ADAM10: variants seen among roughly 807,000 people sequenced by gnomAD.
ADAM10 encodes the protein ADAM metallopeptidase domain 10, also known as disintegrin and metalloproteinase domain-containing protein 10.
A neutral mutation model predicts 90.1 loss-of-function variants in ADAM10; 17 were observed. The ratio of observed to expected loss-of-function variants is 0.19; its 90% confidence interval spans 0.13 to 0.28. The LOEUF (loss-of-function observed/expected upper bound fraction) is 0.28. Ranked by LOEUF, ADAM10 falls within the 10% of genes least tolerant of loss-of-function variation. The pLI is 1.00. For missense variants in ADAM10, 610 were observed against 914.3 expected, an observed-to-expected ratio of 0.67 and a Z score of 4.29; for synonymous variants, 310 against 298.6, an observed-to-expected ratio of 1.04 and a Z score of -0.40.
chr15:58,624,776 C>T (rs1472540925), intron 10 of ADAM10, among the ~76,000 whole-genome samples: 2 of 152,156 alleles, frequency 1.3e-5, no homozygotes, highest in African/African-American at 4.8e-5. Flanking sequence ...CAAGCAATCT[C>T]CCTGTCTTGG....
intron 15 of ADAM10, 51 bp from the exon 16 acceptor site, chr15:58,597,692 A>G: frequency 6.2e-7 from 1 of 1,601,658 alleles, no homozygotes; most frequent in Non-Finnish European, 8.5e-7. Context: ...TGAGCTTTTT[A>G]ATCTTTAAAA....
chr15:58,629,674 C>T (rs1307408935), intron 9 of ADAM10, among the ~76,000 whole-genome samples: 6 of 152,078 alleles, frequency 3.9e-5, no homozygotes, highest in Admixed American at 1.3e-4. Context: ...CATAATCTAC[C>T]ATGCACTATA....
intron 2 of ADAM10, among the ~76,000 whole-genome samples, chr15:58,688,131 T>C (rs1189251849): frequency 6.6e-6 from 1 of 152,212 alleles, no homozygotes; most frequent in Non-Finnish European, 1.5e-5. Context: ...AATATAGTTA[T>C]ATAAATTGTG....
intron 2 of ADAM10, among the ~76,000 whole-genome samples, chr15:58,699,022 AAGAG>A (rs1898057327): frequency 6.6e-6 from 1 of 152,230 alleles, no homozygotes; most frequent in African/African-American, 2.4e-5. Context: ...GTCAAAGACA[AAGAG>A]AGAATTCTAA....
chr15:58,627,661 G>C (rs1456742826), intron 10 of ADAM10, 39 bp downstream of exon 10: 18 of 1,574,950 alleles, frequency 1.1e-5, no homozygotes, highest in Non-Finnish European at 1.5e-5. Flanking sequence ...CTGAATGTTT[G>C]AAAATGTTCA....
At chr15:58,650,017 TA>T (rs1343209185) in intron 5 of ADAM10, among the ~76,000 whole-genome samples, 2 of 152,180 alleles carry the variant, frequency 1.3e-5, no homozygotes, top group Non-Finnish European at 2.9e-5. Flanking sequence ...TATCCAAATC[TA>T]AATCCATCAA....
At chr15:58,699,990 G>A (rs1365864810) in intron 2 of ADAM10, among the ~76,000 whole-genome samples, 1 of 152,066 alleles carries the variant, frequency 6.6e-6, no homozygotes, top group African/African-American at 2.4e-5. Flanking sequence ...CACACAGACT[G>A]AAAGTAAAGA....
intron 1 of ADAM10, among the ~76,000 whole-genome samples, chr15:58,746,708 T>C (rs144923117): frequency 2.6e-5 from 4 of 152,304 alleles, no homozygotes; most frequent in African/African-American, 9.6e-5. Flanking sequence ...ACGAGGAGTT[T>C]GAGACCAGCC....
rs1455274896 is a variant in ADAM10, at chr15:58,591,006, G to A, written c.*6541C>T. The A allele has an allele frequency of 6.6e-6, 1 of 152,206 alleles. No individual in the cohort carries two copies. Among genetic ancestry groups the A allele is most frequent in the African/African-American group, 2.4e-5 (1 of 41,456 alleles). 9.4% of individuals were successfully genotyped at this position (152,206 alleles called of 1,614,324 possible). On this transcript the variant is annotated 3_prime_UTR_variant, in exon 16 of 16. Coordinates refer to ENST00000260408, the MANE Select transcript of ADAM10 (RefSeq NM_001110.4). ...AAACAAGAGAGGGCAGAAGAATCTA[G>A]TTTATTGTAGTGAGCTACTTAACAT...
intron 1 of ADAM10, among the ~76,000 whole-genome samples, chr15:58,742,215 TCA>T (rs1359633446): frequency 1.7e-4 from 26 of 152,200 alleles, no homozygotes; most frequent in Admixed American, 1.7e-3. Context: ...TGTATACATC[TCA>T]CATTGTTTAC....
At chr15:58,704,311 G>A (rs1898219074) in intron 2 of ADAM10, among the ~76,000 whole-genome samples, 1 of 152,188 alleles carries the variant, frequency 6.6e-6, no homozygotes, top group South Asian at 2.1e-4. Flanking sequence ...ACTGGAGGGA[G>A]AGAAAAATGG....
chr15:58,674,338 G>A (rs1484689595), intron 4 of ADAM10, among the ~76,000 whole-genome samples: 2 of 152,122 alleles, frequency 1.3e-5, no homozygotes, highest in Non-Finnish European at 2.9e-5. Flanking sequence ...ACATATAGTA[G>A]AGAGATTAAC....
At chr15:58,647,780 T>C (rs1466074579) in intron 5 of ADAM10, among the ~76,000 whole-genome samples, 1 of 152,172 alleles carries the variant, frequency 6.6e-6, no homozygotes, top group African/African-American at 2.4e-5. Context: ...CATGAGCTCC[T>C]GGTCTCAAGT....
At chr15:58,716,654 C>T (rs533958033) in intron 2 of ADAM10, among the ~76,000 whole-genome samples, 1 of 152,238 alleles carries the variant, frequency 6.6e-6, no homozygotes, top group South Asian at 2.1e-4. Context: ...TAATTGAAGA[C>T]TTTAGATCAA....
intron 2 of ADAM10, chr15:58,686,345 T>C (rs1897600980): frequency 1.5e-6 from 1 of 663,672 alleles, no homozygotes; most frequent in South Asian, 1.8e-5. Context: ...GAATAAAGGC[T>C]ACTTCAAACC....
intron 2 of ADAM10, among the ~76,000 whole-genome samples, chr15:58,697,957 A>C (rs1295889490): frequency 6.6e-6 from 1 of 152,220 alleles, no homozygotes; most frequent in Non-Finnish European, 1.5e-5. Flanking sequence ...ACACCACTGC[A>C]TGCACCCAGA....
rs1162350060 is a variant in ADAM10 at position 58,647,248 on chromosome 15, A to ATTTCTTTTTTTT, written c.586-1045_586-1044insAAAAAAAAGAAA. ...TGGCAGCAAAGAGTAGACACTAAGT[A>ATTTCTTTTTTTT]TTTTTTTTTTTTTTTTTTTTTTTTT... is the stretch of plus-strand genomic sequence containing the variant. On this transcript the variant is annotated intron_variant, in intron 5 of 15. Coordinates refer to ENST00000260408, the MANE Select transcript of ADAM10 (RefSeq NM_001110.4). 2.5e-4 allele frequency among the ~76,000 whole-genome samples: 15 copies of ATTTCTTTTTTTT among 59,602 alleles called. 3 individuals carry two copies. The highest frequency in any genetic ancestry group is 7.0e-4 in the African/African-American group (13 of 18,646). The allele number at this position is 59,602 out of a possible 152,430, so 39.1% of individuals were successfully genotyped here.
chr15:58,611,144 A>G (rs751260429), intron 12 of ADAM10, 37 bp from the exon 13 acceptor site: 3 of 1,467,624 alleles, frequency 2.0e-6, no homozygotes, highest in Non-Finnish European at 2.9e-6. Flanking sequence ...TTTAATCCCT[A>G]TACAGTCAAA....
chr15:58,703,310 A>C (rs974086631), intron 2 of ADAM10, among the ~76,000 whole-genome samples: 16 of 151,676 alleles, frequency 1.1e-4, no homozygotes, highest in Middle Eastern at 3.4e-3. Flanking sequence ...AAAAAAAAAA[A>C]ACACACAGAA....
Sources: allele counts gnomAD v4.1 joint callset (sites outside exome capture counted in the v4.1 genomes callset), GRCh38; gene constraint gnomAD v4.1.1; transcripts MANE v1.5; gene names NCBI Gene and HGNC (gene_info 2026-07-23, HGNC 2026-07-21).